EXOC4: variants seen among roughly 807,000 people sequenced by gnomAD.
EXOC4 encodes the protein SEC8-like 1.
EXOC4 carries 71 observed loss-of-function variants against 107.2 expected under a neutral mutation model. The observed-to-expected ratio is 0.66, with a 90% confidence interval of 0.55 to 0.81. The LOEUF is 0.81. Ranked by LOEUF, EXOC4 falls within the 30% of genes least tolerant of loss-of-function variation. EXOC4 has a pLI of 0.00. For synonymous variants in EXOC4, 456 were observed against 441.2 expected, an observed-to-expected ratio of 1.03 and a Z score of -0.42; for missense variants, 1,108 against 1,189.6, an observed-to-expected ratio of 0.93 and a Z score of 1.01.
intron 11 of EXOC4, among the ~76,000 whole-genome samples, chr7:133,856,915 A>G (rs1052441358): frequency 6.6e-6 from 1 of 151,046 alleles, no homozygotes; most frequent in African/African-American, 2.4e-5. Context: ...CCTGGCTAAC[A>G]CGGTGAAACC....
chr7:133,858,877 T>G lies in EXOC4; in HGVS notation c.1735-36722T>G, dbSNP rs538573402. On this transcript the variant is annotated intron_variant, in intron 11 of 17. Coordinates refer to ENST00000253861, the MANE Select transcript of EXOC4 (RefSeq NM_021807.4). ...TTCTGAACAGCAAGTGGCATCTTGTTGCAGCTTGCTATCCAGTCCCAAGAT... is the reference window on the plus strand; with the variant it reads ...TTCTGAACAGCAAGTGGCATCTTGTGGCAGCTTGCTATCCAGTCCCAAGAT... Among the ~76,000 whole-genome samples, 5 of 152,258 alleles carry G rather than the reference T, an allele frequency of 3.3e-5. No homozygotes were observed. The East Asian group carries it at 9.6e-4, about 29-fold the overall frequency.
chr7:134,010,446 C>G (rs1483614200), intron 17 of EXOC4, among the ~76,000 whole-genome samples: 1 of 152,164 alleles, frequency 6.6e-6, no homozygotes, highest in Non-Finnish European at 1.5e-5. Context: ...CTTTCCCTCT[C>G]ATTTTTTCTT....
chr7:134,090,872 A>T, the EXOC4 span, among the ~76,000 whole-genome samples: 1 of 152,038 alleles, frequency 6.6e-6, no homozygotes, highest in South Asian at 2.1e-4. Flanking sequence ...CTTAGCCAGA[A>T]GGGACTTTAC....
At chr7:133,508,065 A>AAAAAG (rs146481259) in intron 9 of EXOC4, among the ~76,000 whole-genome samples, 2 of 152,008 alleles carry the variant, frequency 1.3e-5, no homozygotes, top group Non-Finnish European at 2.9e-5. Context: ...CCGTCTCAAA[A>AAAAAG]AAAAGAAAAG....
At chr7:133,455,398 G>C (rs376628894) in intron 7 of EXOC4, among the ~76,000 whole-genome samples, 1 of 152,130 alleles carries the variant, frequency 6.6e-6, no homozygotes, top group East Asian at 1.9e-4. Flanking sequence ...GGTTAGGGGA[G>C]GTGGGGATGG....
the EXOC4 span, among the ~76,000 whole-genome samples, chr7:134,093,195 G>T: frequency 1.3e-4 from 20 of 152,184 alleles, no homozygotes; most frequent in African/African-American, 4.8e-4. Flanking sequence ...ACATAATGGT[G>T]CCCAAAGGCT....
chr7:133,630,413 C>T (rs1363654447), intron 10 of EXOC4, among the ~76,000 whole-genome samples: 2 of 152,024 alleles, frequency 1.3e-5, no homozygotes, highest in Non-Finnish European at 2.9e-5. Flanking sequence ...CCCTTCCCTC[C>T]CTCCCTCTCT....
chr7:133,454,497 A>G (rs1343710214), intron 7 of EXOC4, among the ~76,000 whole-genome samples: 1 of 152,064 alleles, frequency 6.6e-6, no homozygotes, highest in Non-Finnish European at 1.5e-5. Context: ...GGGTTTCGCC[A>G]TGTTGTCCAT....
At chr7:133,371,789 A>G (rs1285006222) in intron 6 of EXOC4, among the ~76,000 whole-genome samples, 1 of 152,164 alleles carries the variant, frequency 6.6e-6, no homozygotes, top group Non-Finnish European at 1.5e-5. Flanking sequence ...AACTATGTTT[A>G]ATGTCTTGAG....
At chr7:133,567,703 C>T (rs944381686) in intron 9 of EXOC4, among the ~76,000 whole-genome samples, 2 of 151,950 alleles carry the variant, frequency 1.3e-5, no homozygotes, top group African/African-American at 4.8e-5. Flanking sequence ...CTGGAAAGTC[C>T]CAGAGCATGG....
At chr7:133,255,814 T>C (rs548115856) in intron 1 of EXOC4, among the ~76,000 whole-genome samples, 2 of 152,266 alleles carry the variant, frequency 1.3e-5, no homozygotes, top group African/African-American at 4.8e-5. Flanking sequence ...AGTATTACTT[T>C]GGTGTTTGGG....
chr7:133,518,050 TCTTCTC>T (rs1799912812), intron 9 of EXOC4, among the ~76,000 whole-genome samples: 1 of 151,892 alleles, frequency 6.6e-6, no homozygotes, highest in African/African-American at 2.4e-5. Flanking sequence ...GCTGAGGTCT[TCTTCTC>T]TGCATTGGTT....
At chr7:134,091,535 A>G in the EXOC4 span, among the ~76,000 whole-genome samples, 3 of 152,194 alleles carry the variant, frequency 2.0e-5, no homozygotes, top group South Asian at 2.1e-4. Flanking sequence ...TGTGATTTAG[A>G]ATGCCTTAAT....
At chr7:134,090,608 G>A in the EXOC4 span, among the ~76,000 whole-genome samples, 11 of 152,158 alleles carry the variant, frequency 7.2e-5, no homozygotes, top group African/African-American at 1.4e-4. Context: ...GGTGGGGAAG[G>A]CGAAGAGCTC....
intron 5 of EXOC4, among the ~76,000 whole-genome samples, chr7:133,340,423 C>CTTTTTTTTTT (rs200341512): frequency 1.5e-5 from 2 of 129,558 alleles, no homozygotes; most frequent in Non-Finnish European, 1.7e-5. Flanking sequence ...TAGTATTTTT[C>CTTTTTTTTTT]TTTTTTTTTT....
rs1237131196 is a variant in EXOC4 at position 133,661,683 on chromosome 7, AAAAAAC to A, written c.1514+31548_1514+31553del. Among the ~76,000 whole-genome samples the A allele has an allele frequency of 2.1e-3, 266 of 129,044 alleles. 18 individuals carry two copies. The highest frequency in any genetic ancestry group is 0.011 in the Middle Eastern group (3 of 262). The allele number at this position is 129,044 out of a possible 152,430, so 84.7% of individuals were successfully genotyped here. A position where few individuals can be genotyped will look rare whatever the true frequency, so the allele number is the denominator to read the frequency against. Reference sequence around the variant, plus strand: ...CCACTCCTTAAAACTAAAAAAAAAAAAAAAACAAAAAAAAAAAAAACAAGAATTTTG... The same window carrying A: ...CCACTCCTTAAAACTAAAAAAAAAAAAAAAAAAAAAAAAACAAGAATTTTG... On this transcript the variant is annotated intron_variant, in intron 10 of 17. Transcript: ENST00000253861.
chr7:133,527,907 T>C lies in EXOC4; in HGVS notation c.1417+47769T>C, dbSNP rs528302349. 2.0e-5 allele frequency among the ~76,000 whole-genome samples: 3 copies of C among 152,312 alleles called. No homozygotes were observed. The East Asian group carries it at 5.8e-4, about 29-fold the overall frequency. On this transcript the variant is annotated intron_variant, in intron 9 of 17. Coordinates refer to ENST00000253861, the MANE Select transcript of EXOC4 (RefSeq NM_021807.4). ...TATTTACTGTTCATGCTTACTTCCT[T>C]TTTGTACTTGATCAGACATCTTTGA...
In EXOC4 at chr7:133,483,909, A is replaced by G. The variant is rs1406203090; in HGVS notation, c.1417+3771A>G. 31 of 905,018 alleles carry G rather than the reference A, an allele frequency of 3.4e-5. No homozygotes were observed. In the East Asian group the frequency reaches 7.3e-4, roughly 21 times the overall value. The allele number at this position is 905,018 out of a possible 1,614,324, so 56.1% of individuals were successfully genotyped here. ...CATTTCAGCTTGTCCCTGAAAAGGC[A>G]TAATTGAATAGTTCAGTCAAACCGT... On this transcript the variant is annotated intron_variant, in intron 9 of 17. Transcript: ENST00000253861.
intron 10 of EXOC4, among the ~76,000 whole-genome samples, chr7:133,802,658 A>C (rs570696427): frequency 2.0e-5 from 3 of 152,154 alleles, no homozygotes; most frequent in Admixed American, 1.3e-4. Flanking sequence ...CAGGAGTTCA[A>C]GAGCAGCCTG....
Sources: gnomAD v4.1 joint callset for allele counts (sites outside exome capture counted in the v4.1 genomes callset) on GRCh38, gnomAD v4.1.1 for gene constraint, MANE v1.5 for transcripts, NCBI Gene and HGNC (gene_info 2026-07-23, HGNC 2026-07-21) for gene names.